The following CACNB2 variants were observed in gnomAD, a reference collection of about 807,000 sequenced individuals.
CACNB2 encodes calcium voltage-gated channel auxiliary subunit beta 2, also known as voltage-dependent L-type calcium channel subunit beta-2.
CACNB2 carries 42 observed loss-of-function variants against 73.3 expected under a neutral mutation model. That is an observed-to-expected ratio of 0.57 (90% CI 0.45 to 0.74). The LOEUF is 0.74. CACNB2 is among the 30% of genes least tolerant of loss of function. The pLI, the probability that CACNB2 is intolerant of heterozygous loss-of-function variation, is 0.00. For synonymous variants in CACNB2, 348 were observed against 310.3 expected, an observed-to-expected ratio of 1.12 and a Z score of -1.28; for missense variants, 940 against 853.0, an observed-to-expected ratio of 1.10 and a Z score of -1.27.
At chr10:18,208,172 A>G (rs1003989234) in intron 2 of CACNB2, among the ~76,000 whole-genome samples, 1 of 152,178 alleles carries the variant, frequency 6.6e-6, no homozygotes. Context: ...AGGAGCTTCA[A>G]AAAGGCTGTT....
intron 2 of CACNB2, among the ~76,000 whole-genome samples, chr10:18,303,568 G>T (rs565901222): frequency 1.3e-5 from 2 of 152,134 alleles, no homozygotes; most frequent in Admixed American, 1.3e-4. Flanking sequence ...ACGTGTCTCA[G>T]ATGTCACTTA....
rs1231333732 is a variant in CACNB2, at chr10:18,460,338, C to T, written c.334-38017C>T. Among the ~76,000 whole-genome samples, 5 of 151,980 alleles carry T rather than the reference C, an allele frequency of 3.3e-5. No homozygotes were observed. In the East Asian group the frequency reaches 7.7e-4, roughly 23 times the overall value. ...ATTCTTTCTCTGAATGATGAGCTCT[C>T]GGAGGTTTAGTAGGGATAAGTTCCA... On this transcript the variant is annotated intron_variant, in intron 3 of 13. Transcript: ENST00000324631.
At chr10:18,537,486 A>G (rs2053715263) in intron 12 of CACNB2, among the ~76,000 whole-genome samples, 1 of 152,136 alleles carries the variant, frequency 6.6e-6, no homozygotes, top group South Asian at 2.1e-4. Context: ...TTCAGATTTC[A>G]TAATCTTGGG....
intron 2 of CACNB2, among the ~76,000 whole-genome samples, chr10:18,202,294 AT>A (rs978834988): frequency 6.6e-6 from 1 of 152,162 alleles, no homozygotes; most frequent in African/African-American, 2.4e-5. Flanking sequence ...AGGTTATCTT[AT>A]GTGATTTGGA....
At chr10:18,391,216 A>G (rs1475347871) in intron 2 of CACNB2, among the ~76,000 whole-genome samples, 1 of 152,228 alleles carries the variant, frequency 6.6e-6, no homozygotes, top group East Asian at 1.9e-4. Flanking sequence ...CACTGGGGAT[A>G]GCTTCAAGCT....
At chr10:18,287,722 GCC>G (rs1200737718) in intron 2 of CACNB2, among the ~76,000 whole-genome samples, 7 of 152,196 alleles carry the variant, frequency 4.6e-5, no homozygotes, top group Non-Finnish European at 8.8e-5. Flanking sequence ...ACGATGGCAC[GCC>G]CTGTAGTCTC....
intron 3 of CACNB2, among the ~76,000 whole-genome samples, chr10:18,414,460 T>A (rs1387441356): frequency 6.6e-6 from 1 of 151,614 alleles, no homozygotes; most frequent in Non-Finnish European, 1.5e-5. Context: ...ACCTGATGGT[T>A]CCAGAATCCT....
intron 5 of CACNB2, among the ~76,000 whole-genome samples, chr10:18,505,790 C>A (rs1044679159): frequency 1.3e-5 from 2 of 152,188 alleles, no homozygotes; most frequent in African/African-American, 4.8e-5. Flanking sequence ...TGCAGTATAT[C>A]ATATCAAACT....
intron 2 of CACNB2, among the ~76,000 whole-genome samples, chr10:18,375,607 A>T (rs1202773216): frequency 6.6e-6 from 1 of 152,232 alleles, no homozygotes. Flanking sequence ...GCAATTGAAA[A>T]TTTAATTTTT....
At position 18,452,983 on chromosome 10, in the gene CACNB2, T is replaced by A. The variant is rs973743969; in HGVS notation, c.334-45372T>A. Among the ~76,000 whole-genome samples, 116 of 152,162 alleles carry A rather than the reference T, an allele frequency of 7.6e-4. 2 individuals carry two copies. The highest frequency in any genetic ancestry group is 2.6e-4 in the Non-Finnish European group (18 of 68,024). On this transcript the variant is annotated intron_variant, in intron 3 of 13. Transcript: ENST00000324631. ...GATAAAAATCTCATCTCCGCTGACA[T>A]CATAGCATCCATGCAGTTGCTCAAG...
At chr10:18,376,042 C>T (rs997065812) in intron 2 of CACNB2, among the ~76,000 whole-genome samples, 3 of 152,198 alleles carry the variant, frequency 2.0e-5, no homozygotes, top group African/African-American at 7.2e-5. Context: ...TATTTGCACT[C>T]CCATGTTTAT....
chr10:18,353,749 A>T (rs1411101426), intron 2 of CACNB2, among the ~76,000 whole-genome samples: 1 of 152,234 alleles, frequency 6.6e-6, no homozygotes, highest in African/African-American at 2.4e-5. Context: ...CTTAGTTCTG[A>T]AAAACTTTCT....
chr10:18,329,098 G>C (rs1328986315), intron 2 of CACNB2, among the ~76,000 whole-genome samples: 2 of 152,120 alleles, frequency 1.3e-5, no homozygotes, highest in Admixed American at 6.6e-5. Context: ...GGAAATACAT[G>C]CTCTGTCATT....
chr10:18,416,488 C>T (rs1012661041), intron 3 of CACNB2, among the ~76,000 whole-genome samples: 1 of 152,192 alleles, frequency 6.6e-6, no homozygotes, highest in African/African-American at 2.4e-5. Context: ...ACGATCTCAG[C>T]TCACTGCAAC....
chr10:18,431,408 A>G (rs1442986882), intron 3 of CACNB2, among the ~76,000 whole-genome samples: 1 of 152,036 alleles, frequency 6.6e-6, no homozygotes, highest in African/African-American at 2.4e-5. Flanking sequence ...GTAGGTCCCA[A>G]CTTCTTTTAT....
intron 2 of CACNB2, among the ~76,000 whole-genome samples, chr10:18,235,641 C>G (rs1177946657): frequency 6.6e-6 from 1 of 152,232 alleles, no homozygotes; most frequent in Admixed American, 6.5e-5. Flanking sequence ...GGGGCTGCTG[C>G]TGCTCTCTGT....
rs768160446 is a variant in CACNB2 at position 18,495,591 on chromosome 10, G to GTGTGTGTGTGTGTGTGTA, written c.334-2763_334-2762insGTGTGTGTGTGTGTGTAT. Among the ~76,000 whole-genome samples the GTGTGTGTGTGTGTGTGTA allele has an allele frequency of 4.6e-4, 64 of 138,720 alleles. 2 individuals are homozygous for GTGTGTGTGTGTGTGTGTA. Among genetic ancestry groups the GTGTGTGTGTGTGTGTGTA allele is most frequent in the Admixed American group, 5.1e-4 (7 of 13,834 alleles). The allele number at this position is 138,720 out of a possible 152,430, so 91.0% of individuals were successfully genotyped here. ...TGTGTGTGTGTGTGTGTGTGTGTGTGTATAAGAGATGAGGTCTCACTTTGT... is the reference window on the plus strand; with the variant it reads ...TGTGTGTGTGTGTGTGTGTGTGTGTGTGTGTGTGTGTGTGTGTATATAAGAGATGAGGTCTCACTTTGT... On this transcript the variant is annotated intron_variant, in intron 3 of 13. Transcript: ENST00000324631.
chr10:18,481,459 C>T (rs1435663417), intron 3 of CACNB2, among the ~76,000 whole-genome samples: 1 of 151,086 alleles, frequency 6.6e-6, no homozygotes, highest in Non-Finnish European at 1.5e-5. Flanking sequence ...GTTGGCCAGG[C>T]TGGTCTCAAA....
At chr10:18,300,537 A>G (rs1166557927) in intron 2 of CACNB2, among the ~76,000 whole-genome samples, 1 of 152,282 alleles carries the variant, frequency 6.6e-6, no homozygotes, top group Non-Finnish European at 1.5e-5. Context: ...AACAGAACCT[A>G]TTACAGCAAT....
Sources: allele counts gnomAD v4.1 joint callset (sites outside exome capture counted in the v4.1 genomes callset), GRCh38; gene constraint gnomAD v4.1.1; transcripts MANE v1.5; gene names NCBI Gene and HGNC (gene_info 2026-07-23, HGNC 2026-07-21).